The following RNPEPL1 variants were observed in gnomAD, a reference collection of about 807,000 sequenced individuals.
RNPEPL1 encodes arginyl aminopeptidase like 1.
Under a neutral mutation model 69.0 loss-of-function variants are expected in RNPEPL1, and 46 were observed. The ratio of observed to expected loss-of-function variants is 0.67; its 90% CI spans 0.53 to 0.85. The LOEUF is 0.85. Ranked by LOEUF, RNPEPL1 falls within the 40% of genes least tolerant of loss-of-function variation. The pLI, the probability that RNPEPL1 is intolerant of heterozygous loss-of-function variation, is 0.00. For missense variants in RNPEPL1, 869 were observed against 992.5 expected, an observed-to-expected ratio of 0.88 and a Z score of 1.67; for synonymous variants, 525 against 454.1, an observed-to-expected ratio of 1.16 and a Z score of -1.98.
intron 1 of RNPEPL1, 139 bp downstream of exon 1, chr2:240,569,253 T>G: frequency 1.1e-6 from 1 of 942,244 alleles, no homozygotes; most frequent in Non-Finnish European, 1.4e-6. Context: ...GATTCCCAGC[T>G]GTTGCCTGTG....
In RNPEPL1 at chr2:240,576,360, G is replaced by A. The variant is rs1366836236; in HGVS notation, c.1511-175G>A. 7 of 622,658 alleles carry A rather than the reference G, an allele frequency of 1.1e-5. No individual in the cohort carries two copies. The East Asian group carries it at 1.9e-4, about 17-fold the overall frequency. 38.6% of individuals were successfully genotyped at this position (622,658 alleles called of 1,614,324 possible). On this transcript the variant is annotated intron_variant, in intron 8 of 10. Transcript: ENST00000270357. ...GTACCCCTTCACAGAAGCCCCTTCA[G>A]TGGCTTCAAGTGGCAGTGCTGGCTG... is the stretch of plus-strand genomic sequence containing the variant.
At chr2:240,573,934 A>C (rs962688356) in intron 4 of RNPEPL1, 43 bp downstream of exon 4, 10 of 1,538,524 alleles carry the variant, frequency 6.5e-6, no homozygotes, top group African/African-American at 5.5e-5. Flanking sequence ...TGGAAGGAGG[A>C]GTCAGAGGGG....
At chr2:240,570,701 C>T (rs1006292378) in intron 1 of RNPEPL1, among the ~76,000 whole-genome samples, 18 of 152,320 alleles carry the variant, frequency 1.2e-4, no homozygotes, top group Non-Finnish European at 2.4e-4. Context: ...CCAGCAAGAA[C>T]AGCGTTCTTC....
At position 240,578,346 on chromosome 2, in the gene RNPEPL1, C is replaced by T. The variant is rs139367978; in HGVS notation, c.*454C>T. The T allele has an allele frequency of 3.4e-4, 54 of 156,628 alleles. 1 individual carries two copies. In the East Asian group the frequency reaches 8.0e-3, roughly 23 times the overall value. 9.7% of individuals were successfully genotyped at this position (156,628 alleles called of 1,614,324 possible). ...ACCCTCCCCGCACAGCCCTGCACCC[C>T]GCCCCTGGGGTTGGCAGCCTCAGTT... On this transcript the variant is annotated 3_prime_UTR_variant, in exon 11 of 11. Coordinates refer to ENST00000270357, the MANE Select transcript of RNPEPL1 (RefSeq NM_018226.6).
chr2:240,572,749 G>T (rs967837376), intron 2 of RNPEPL1, among the ~76,000 whole-genome samples, 186 bp downstream of exon 2: 1 of 152,208 alleles, frequency 6.6e-6, no homozygotes, highest in Non-Finnish European at 1.5e-5. Flanking sequence ...GGGAAGCCGG[G>T]CTGCCTCCAA....
chr2:240,569,572 T>C (rs548327148), intron 1 of RNPEPL1, among the ~76,000 whole-genome samples: 3 of 152,268 alleles, frequency 2.0e-5, no homozygotes, highest in Admixed American at 6.5e-5. Flanking sequence ...TTGAGACCAG[T>C]GGGCCCCGCG....
intron 8 of RNPEPL1, chr2:240,576,216 G>T: frequency 2.3e-6 from 1 of 438,998 alleles, no homozygotes; most frequent in South Asian, 3.5e-5. Context: ...CTGGTTCATG[G>T]CGCAGGTGGC....
chr2:240,578,030 GCA>G lies in RNPEPL1; in HGVS notation c.*139_*140del. ...AAGCCCCTCCCCTGGGCTCTCCCAG[GCA>G]GGGAGAATGGGGAGAGGGACCTCCT... On this transcript the variant is annotated 3_prime_UTR_variant, in exon 11 of 11. Transcript: ENST00000270357. The G allele has an allele frequency of 1.2e-6, 1 of 864,660 alleles. No homozygotes were observed. Among genetic ancestry groups the G allele is most frequent in the Non-Finnish European group, 1.6e-6 (1 of 609,222 alleles). The allele number at this position is 864,660 out of a possible 1,614,324, so 53.6% of individuals were successfully genotyped here. A position where few individuals can be genotyped will look rare whatever the true frequency, so the allele number is the denominator to read the frequency against.
intron 1 of RNPEPL1, among the ~76,000 whole-genome samples, chr2:240,569,364 G>T (rs1224592055): frequency 6.6e-6 from 1 of 152,208 alleles, no homozygotes; most frequent in Admixed American, 6.5e-5. Flanking sequence ...CCCTGCCTGG[G>T]GACATGAGCA....
chr2:240,576,747 G>A lies in RNPEPL1; in HGVS notation c.1723G>A (p.Gly575Arg), dbSNP rs1252015965. The change falls in exon 9 of 11, where the codon GGG (glycine) becomes AGG (arginine). Residue 575 changes from glycine (G) to arginine (R), a missense_variant. Gly to Arg is a moderately radical substitution (Grantham distance 125, BLOSUM62 -2). Around this residue, in one of 2 missense-constraint regions of RNPEPL1, gnomAD observed 610 missense variants for 790.9 expected, o/e 0.77. Transcript: ENST00000270357. ...ACTCTTCCTGGACCGGCTCCTGGATGGGTCCCCGCTGCCGCAGGGTGAGTC... is the reference window on the plus strand; with the variant it reads ...ACTCTTCCTGGACCGGCTCCTGGATAGGTCCCCGCTGCCGCAGGGTGAGTC... ...TALFLDRLLDGSPLPQEVVMS... is the reference protein window; with the variant it reads ...TALFLDRLLDRSPLPQEVVMS... 13 of 1,612,790 alleles carry A rather than the reference G, an allele frequency of 8.1e-6. No homozygotes were observed. In the Admixed American group the frequency reaches 2.0e-4, roughly 25 times the overall value.
Position 240,572,558 on chromosome 2 carries a change from G to A in RNPEPL1, c.664G>A (p.Val222Ile), listed in dbSNP as rs1203961773. The A allele has an allele frequency of 3.3e-6, 5 of 1,536,096 alleles. No individual in the cohort carries two copies. The highest frequency in any genetic ancestry group is 4.4e-6 in the Non-Finnish European group (5 of 1,146,796). ...CGTGAAGTGCACCTACTCTGCCGTC[G>A]TCAAGGTCAGGGGCCGCCAGCTGCC... is the stretch of plus-strand genomic sequence containing the variant. ...PAVKCTYSAV[V>I]KAPSGVQVLM... The change falls in exon 2 of 11, where the codon GTC becomes ATC. Residue 222 changes from valine (V) to isoleucine (I), a missense_variant. Physicochemically the swap from Val to Ile is conservative, Grantham distance 29 (BLOSUM62 3). Coordinates refer to ENST00000270357, the MANE Select transcript of RNPEPL1 (RefSeq NM_018226.6).
rs1161969294 is a variant in RNPEPL1 at position 240,568,895 on chromosome 2, C to A, written c.309C>A (p.Ala103=). ...CCGCCGCCGCCGAGACGCCCTGCGC[C>A]TTCGCCTTCTCCGCCCCCGGGCCGG... is the stretch of plus-strand genomic sequence containing the variant. The part of the protein sequence containing the change: ...APAAAAETPC[A]FAFSAPGPGP... Residue 103 remains alanine (A), a synonymous_variant, in exon 1 of 11, where the codon GCC becomes GCA. Transcript: ENST00000270357. This position sits in a 1 kb window ranked among gnomAD's most constrained non-coding sequence, Gnocchi z 6.2. 24 of 1,275,060 alleles carry A rather than the reference C, an allele frequency of 1.9e-5. No homozygotes were observed. The highest frequency in any genetic ancestry group is 2.4e-5 in the Non-Finnish European group (24 of 1,013,818). The allele number at this position is 1,275,060 out of a possible 1,614,324, so 79.0% of individuals were successfully genotyped here.
intron 1 of RNPEPL1, among the ~76,000 whole-genome samples, chr2:240,569,848 G>C (rs557873809): frequency 1.3e-5 from 2 of 152,348 alleles, no homozygotes; most frequent in East Asian, 3.9e-4. Flanking sequence ...GGAGGCGCTG[G>C]GAAGTCCAGC....
intron 2 of RNPEPL1, among the ~76,000 whole-genome samples, chr2:240,572,848 C>T (rs1378781345): frequency 1.3e-5 from 2 of 152,264 alleles, no homozygotes; most frequent in Non-Finnish European, 1.5e-5. Context: ...GACAGAGCTG[C>T]TGATCCCCAG....
At chr2:240,571,372 C>T (rs2093020969) in intron 1 of RNPEPL1, among the ~76,000 whole-genome samples, 1 of 152,188 alleles carries the variant, frequency 6.6e-6, no homozygotes, top group African/African-American at 2.4e-5. Flanking sequence ...ACCTTCTACT[C>T]ATGGTCATGG....
chr2:240,577,475 G>C (rs531515339), intron 10 of RNPEPL1, 124 bp from the exon 11 acceptor site: 1 of 1,124,174 alleles, frequency 8.9e-7, no homozygotes, highest in Non-Finnish European at 1.3e-6. Flanking sequence ...CGGAGTCCAG[G>C]CCACAGCCCT....
rs753204456 is a variant in RNPEPL1 at position 240,574,525 on chromosome 2, C to A, written c.1185C>A (p.Phe395Leu). The change falls in exon 6 of 11, where the codon TTC becomes TTA. Residue 395 changes from phenylalanine (F) to leucine (L), a missense_variant. Phe to Leu is a conservative substitution (Grantham distance 22). Coordinates refer to ENST00000270357, the MANE Select transcript of RNPEPL1 (RefSeq NM_018226.6). Reference protein sequence around the residue: ...RITTETYGAAFTCLETAFRLD... With the variant: ...RITTETYGAALTCLETAFRLD... ...CCGGACCCCATCCAGGTGCTGCCTT[C>A]ACCTGCCTGGAGACTGCCTTCCGCC... 2 of 1,611,358 alleles carry A rather than the reference C, an allele frequency of 1.2e-6. No individual in the cohort carries two copies. The highest frequency in any genetic ancestry group is 2.2e-5 in the South Asian group (2 of 90,560).
At chr2:240,572,598 A>G in intron 2 of RNPEPL1, 35 bp downstream of exon 2, 1 of 1,534,940 alleles carries the variant, frequency 6.5e-7, no homozygotes. Context: ...CCTTGCTCCC[A>G]GGACAGCCCA....
chr2:240,574,096 C>A lies in RNPEPL1; in HGVS notation c.939-17C>A. 6.2e-7 allele frequency: 1 copy of A among 1,608,368 alleles called. No individual in the cohort carries two copies. ...TGAGCCCCGAGGTCTGCCACCCTCA[C>A]CGCCCTCCCGGTGCAGGTACGACAT... On this transcript the variant is annotated splice_polypyrimidine_tract_variant and intron_variant, in intron 4 of 10. Transcript: ENST00000270357.
Sources: gnomAD v4.1 joint callset for allele counts (sites outside exome capture counted in the v4.1 genomes callset) on GRCh38, gnomAD v4.1.1 for gene constraint, gnomAD v4.1.1 regional missense constraint, Gnocchi (gnomAD v3.1) non-coding constraint, MANE v1.5 for transcripts, NCBI Gene and HGNC (gene_info 2026-07-23, HGNC 2026-07-21) for gene names.